Variants in MON2 observed in about 807,000 individuals in gnomAD.
MON2 encodes the protein protein MON2 homolog.
MON2 carries 84 observed loss-of-function variants against 208.6 expected under a neutral mutation model. The observed-to-expected ratio is 0.40, with a 90% CI of 0.34 to 0.48. MON2 has a LOEUF of 0.48. MON2 is among the 20% of genes least tolerant of loss of function. MON2 has a pLI of 0.59. For missense variants in MON2, 1,611 were observed against 2,015.4 expected, an observed-to-expected ratio of 0.80 and a Z score of 3.84; for synonymous variants, 660 against 694.0, an observed-to-expected ratio of 0.95 and a Z score of 0.77.
chr12:62,480,094 A>T (rs1425086668), intron 1 of MON2, among the ~76,000 whole-genome samples: 1 of 152,222 alleles, frequency 6.6e-6, no homozygotes, highest in Non-Finnish European at 1.5e-5. Flanking sequence ...TGAGAATAAG[A>T]TGATACAATT....
Position 62,549,732 on chromosome 12 carries a change from A to G in MON2, c.2818A>G (p.Met940Val), listed in dbSNP as rs370276486. Residue 940 changes from methionine to valine, a missense_variant, in exon 23 of 35, where the codon ATG becomes GTG. By Grantham distance (21) the Met-to-Val change is conservative. Coordinates refer to ENST00000393630, the MANE Select transcript of MON2 (RefSeq NM_015026.3). ...QLVVTDFLPTMPCTCLQIVVD... is the reference protein window; with the variant it reads ...QLVVTDFLPTVPCTCLQIVVD... ...GGTTGTGACAGATTTTCTACCAACA[A>G]TGCCTTGTACTTGCCTGCAAATAGT... The G allele has an allele frequency of 6.2e-7, 1 of 1,613,042 alleles. No individual in the cohort carries two copies. Among genetic ancestry groups the G allele is most frequent in the South Asian group, 1.1e-5 (1 of 90,814 alleles).
intron 2 of MON2, among the ~76,000 whole-genome samples, chr12:62,492,573 T>A (rs1472559298): frequency 4.7e-5 from 7 of 148,856 alleles, no homozygotes; most frequent in African/African-American, 9.7e-5. Flanking sequence ...GGGTTTCACC[T>A]TGTTAGCCAG....
chr12:62,495,237 C>A, intron 4 of MON2, 90 bp downstream of exon 4: 1 of 1,137,416 alleles, frequency 8.8e-7, no homozygotes, highest in Non-Finnish European at 1.2e-6. Flanking sequence ...GCCATTTGAA[C>A]CAAAAGCAAC....
intron 14 of MON2, among the ~76,000 whole-genome samples, chr12:62,535,953 C>CA (rs932303986): frequency 6.6e-6 from 1 of 151,530 alleles, no homozygotes; most frequent in African/African-American, 2.4e-5. Context: ...ACCAACATGA[C>CA]AAAGGAAAGG....
At chr12:62,588,255 A>G (rs1443791275) in intron 34 of MON2, 99 bp downstream of exon 34, 1 of 784,774 alleles carries the variant, frequency 1.3e-6, no homozygotes, top group Non-Finnish European at 2.0e-6. Flanking sequence ...GGAACATAGC[A>G]GTCATTAGAC....
chr12:62,472,528 A>C (rs1414133296), intron 1 of MON2, among the ~76,000 whole-genome samples: 1 of 152,216 alleles, frequency 6.6e-6, no homozygotes, highest in Non-Finnish European at 1.5e-5. Context: ...CCTAATAGAA[A>C]TTGGCTGGCA....
chr12:62,576,461 TATA>T (rs770126456), intron 30 of MON2, among the ~76,000 whole-genome samples: 46 of 152,106 alleles, frequency 3.0e-4, no homozygotes, highest in Non-Finnish European at 5.6e-4. Flanking sequence ...GGGTGAATTT[TATA>T]ATATATAGAT....
At chr12:62,591,896 G>T (rs1037072838) in intron 34 of MON2, among the ~76,000 whole-genome samples, 5 of 152,090 alleles carry the variant, frequency 3.3e-5, no homozygotes, top group African/African-American at 9.7e-5. Flanking sequence ...AAAAAATCTT[G>T]CATATTGGGT....
chr12:62,550,909 CTTTTTT>C (rs869160726), intron 23 of MON2, among the ~76,000 whole-genome samples: 6 of 43,808 alleles, frequency 1.4e-4, no homozygotes, highest in African/African-American at 3.2e-4. Flanking sequence ...TTCTTTCTTT[CTTTTTT>C]TTTTTTTTTT....
At chr12:62,584,939 T>C (rs540375157) in intron 32 of MON2, among the ~76,000 whole-genome samples, 1 of 151,814 alleles carries the variant, frequency 6.6e-6, no homozygotes, top group African/African-American at 2.4e-5. Flanking sequence ...AAAACTATTG[T>C]GAAGTATATT....
chr12:62,469,169 C>A (rs1232756073), intron 1 of MON2, among the ~76,000 whole-genome samples: 4 of 143,870 alleles, frequency 2.8e-5, no homozygotes, highest in African/African-American at 7.8e-5. Context: ...GTCTCCTGAA[C>A]TGGGTTCAAG....
rs779803772 is a variant in MON2, at chr12:62,535,614, A to G, written c.1805A>G (p.Asp602Gly). 3 of 1,613,732 alleles carry G rather than the reference A, an allele frequency of 1.9e-6. No homozygotes were observed. Among genetic ancestry groups the G allele is most frequent in the Non-Finnish European group, 1.7e-6 (2 of 1,179,732 alleles). The change falls in exon 14 of 35, where the codon GAT becomes GGT. Residue 602 changes from aspartate to glycine, a missense_variant. Asp to Gly is a moderately conservative substitution (Grantham distance 94). Coordinates refer to ENST00000393630, the MANE Select transcript of MON2 (RefSeq NM_015026.3). Reference protein sequence around the residue: ...CGRLGLVTSRDAFITAICKGS... With the variant: ...CGRLGLVTSRGAFITAICKGS... ...AGACTGGGCCTTGTAACTTCAAGAG[A>G]TGCCTTTATAACTGCAATATGCAAA...
rs540198257 is a variant in MON2, at chr12:62,506,686, A to C, written c.790-1600A>C. 2.6e-5 allele frequency among the ~76,000 whole-genome samples: 4 copies of C among 151,006 alleles called. No homozygotes were observed. The South Asian group carries it at 8.4e-4, about 32-fold the overall frequency. The stretch of plus-strand genomic sequence containing the variant: ...GGTTGCAGTGAGCCGAGATTGTACC[A>C]TTGCACTCCAGCCTGGGTAACAGAG... On this transcript the variant is annotated intron_variant, in intron 7 of 34. Transcript: ENST00000393630.
Position 62,557,941 on chromosome 12 carries a change from TA to T in MON2, c.3409+1750del, listed in dbSNP as rs1565683290. Among the ~76,000 whole-genome samples the T allele has an allele frequency of 5.0e-3, 195 of 39,168 alleles. 1 individual carries two copies. Among genetic ancestry groups the T allele is most frequent in the African/African-American group, 0.019 (156 of 8,276 alleles). The allele number at this position is 39,168 out of a possible 152,430, so 25.7% of individuals were successfully genotyped here. A position where few individuals can be genotyped will look rare whatever the true frequency, so the allele number is the denominator to read the frequency against. On this transcript the variant is annotated intron_variant, in intron 25 of 34. Coordinates refer to ENST00000393630, the MANE Select transcript of MON2 (RefSeq NM_015026.3). ...GAACGAATAGATTTATATATATATA[TA>T]TATATATATATATATATATATTTTT...
chr12:62,572,692 C>A (rs2074638997), intron 30 of MON2, among the ~76,000 whole-genome samples: 1 of 152,140 alleles, frequency 6.6e-6, no homozygotes, highest in Admixed American at 6.5e-5. Flanking sequence ...TCAAGTGATC[C>A]TCCCACTTCG....
chr12:62,580,211 A>T (rs2074952835), intron 31 of MON2, 86 bp from the exon 32 acceptor site: 2 of 1,318,120 alleles, frequency 1.5e-6, no homozygotes, highest in East Asian at 2.5e-5. Context: ...ATTTTCATTT[A>T]AAGTAAAATT....
intron 11 of MON2, among the ~76,000 whole-genome samples, chr12:62,529,914 A>C (rs1414344076): frequency 6.6e-6 from 1 of 152,156 alleles, no homozygotes; most frequent in Non-Finnish European, 1.5e-5. Flanking sequence ...ATTTTGATAC[A>C]TTTATATAAT....
At chr12:62,536,111 A>G (rs1001660465) in intron 14 of MON2, among the ~76,000 whole-genome samples, 4 of 152,198 alleles carry the variant, frequency 2.6e-5, no homozygotes, top group Non-Finnish European at 5.9e-5. Context: ...AGCATTTCGG[A>G]TAAGGGATAC....
chr12:62,483,782 G>A (rs2069593815), intron 1 of MON2, among the ~76,000 whole-genome samples: 1 of 152,082 alleles, frequency 6.6e-6, no homozygotes, highest in Non-Finnish European at 1.5e-5. Flanking sequence ...TAATTTTTTT[G>A]TGTGTGGTGG....
Sources: gnomAD v4.1 joint callset for allele counts (sites outside exome capture counted in the v4.1 genomes callset) on GRCh38, gnomAD v4.1.1 for gene constraint, MANE v1.5 for transcripts, NCBI Gene and HGNC (gene_info 2026-07-23, HGNC 2026-07-21) for gene names.